The following SORCS1 variants were observed in gnomAD, a reference collection of about 807,000 sequenced individuals.
The protein encoded by SORCS1 is sortilin related VPS10 domain containing receptor 1, also known as VPS10 domain-containing receptor SorCS1.
SORCS1 carries 60 observed loss-of-function variants against 146.1 expected under a neutral mutation model. The observed-to-expected ratio is 0.41, with a 90% CI of 0.33 to 0.51. SORCS1 has a LOEUF of 0.51. Ranked by LOEUF, SORCS1 falls within the 20% of genes least tolerant of loss-of-function variation. The pLI, the probability that SORCS1 is intolerant of heterozygous loss-of-function variation, is 0.21. For synonymous variants in SORCS1, 637 were observed against 584.0 expected (o/e 1.09, Z -1.31); for missense variants, 1,352 against 1,487.6 (o/e 0.91, Z 1.50).
intron 3 of SORCS1, among the ~76,000 whole-genome samples, chr10:106,829,351 G>T (rs1948438136): frequency 6.6e-6 from 1 of 152,124 alleles, no homozygotes; most frequent in Non-Finnish European, 1.5e-5. Flanking sequence ...CTGCCTTTTG[G>T]AAATGGTAAT....
chr10:106,617,446 CAT>C (rs1394816365), intron 21 of SORCS1, among the ~76,000 whole-genome samples: 1 of 152,138 alleles, frequency 6.6e-6, no homozygotes, highest in African/African-American at 2.4e-5. Context: ...AGTGCATATC[CAT>C]ATGACTATCT....
intron 1 of SORCS1, among the ~76,000 whole-genome samples, chr10:107,159,033 G>A (rs758785970): frequency 6.6e-6 from 1 of 151,998 alleles, no homozygotes; most frequent in Non-Finnish European, 1.5e-5. Flanking sequence ...GGGGTCCAAA[G>A]TTAGCAAGTT....
intron 1 of SORCS1, among the ~76,000 whole-genome samples, chr10:106,979,323 G>C (rs1195011473): frequency 6.6e-6 from 1 of 152,134 alleles, no homozygotes; most frequent in Non-Finnish European, 1.5e-5. Context: ...AGATATGCAT[G>C]TGGAACCCAG....
chr10:106,946,079 C>T (rs1033907276), intron 2 of SORCS1, among the ~76,000 whole-genome samples: 3 of 152,150 alleles, frequency 2.0e-5, no homozygotes, highest in Non-Finnish European at 4.4e-5. Flanking sequence ...TGGAATTTCT[C>T]GAGGTCACGT....
At chr10:106,969,042 A>G (rs1270587958) in intron 1 of SORCS1, among the ~76,000 whole-genome samples, 1 of 152,256 alleles carries the variant, frequency 6.6e-6, no homozygotes, top group Admixed American at 6.5e-5. Flanking sequence ...CTTAAAAAAA[A>G]TCTGGCTTGA....
intron 17 of SORCS1, among the ~76,000 whole-genome samples, chr10:106,658,647 T>C (rs1850487070): frequency 1.3e-5 from 2 of 152,226 alleles, no homozygotes; most frequent in African/African-American, 4.8e-5. Context: ...AGTATGTGGC[T>C]AAGACTTAAA....
rs573011043 is a variant in SORCS1 at position 106,624,392 on chromosome 10, G to A, written c.2663-3831C>T. On this transcript the variant is annotated intron_variant, in intron 19 of 25. Transcript: ENST00000263054. ...TTTTTTTTTTTTGAGACGGAGTTTC[G>A]CTCTGTCACCCAGACTGGAGTGCAG... 1.2e-3 allele frequency among the ~76,000 whole-genome samples: 129 copies of A among 107,716 alleles called. 1 individual carries two copies. The highest frequency in any genetic ancestry group is 1.8e-3 in the Non-Finnish European group (105 of 59,182). 70.7% of individuals were successfully genotyped at this position (107,716 alleles called of 152,430 possible).
chr10:106,956,012 C>A (rs1023240541), intron 2 of SORCS1, among the ~76,000 whole-genome samples: 1 of 152,026 alleles, frequency 6.6e-6, no homozygotes, highest in Non-Finnish European at 1.5e-5. Flanking sequence ...TGCCTGTAAT[C>A]CCAGCTACTC....
intron 24 of SORCS1, among the ~76,000 whole-genome samples, chr10:106,594,489 T>G (rs1845793429): frequency 6.6e-6 from 1 of 152,140 alleles, no homozygotes; most frequent in Non-Finnish European, 1.5e-5. Context: ...TGAACCATCA[T>G]TAGAGCATAA....
Position 107,164,149 on chromosome 10 carries a change from C to T in SORCS1, c.378G>A (p.Arg126=), listed in dbSNP as rs757039667. ...EKAERGEGAS[R]SPRGVLRDGG... ...CATCTCTTAGCACTCCCCGGGGGCT[C>T]CGACTCGCGCCCTCTCCCCGTTCTG... The change falls in exon 1 of 26, where the codon CGG becomes CGA. Residue 126 remains arginine (R), a synonymous_variant. Coordinates refer to ENST00000263054, the MANE Select transcript of SORCS1 (RefSeq NM_052918.5). This position sits in a 1 kb window ranked among gnomAD's most constrained non-coding sequence, Gnocchi z 6.8. 3 of 1,613,018 alleles carry T rather than the reference C, an allele frequency of 1.9e-6. No individual in the cohort carries two copies. Among genetic ancestry groups the T allele is most frequent in the South Asian group, 2.2e-5 (2 of 91,068 alleles).
chr10:106,695,000 C>T (rs1853586522), intron 9 of SORCS1, among the ~76,000 whole-genome samples: 1 of 152,174 alleles, frequency 6.6e-6, no homozygotes, highest in Admixed American at 6.6e-5. Context: ...CTACACAAAA[C>T]CATCAGGCAT....
intron 5 of SORCS1, among the ~76,000 whole-genome samples, chr10:106,745,498 A>G (rs912338321): frequency 2.6e-5 from 4 of 152,212 alleles, no homozygotes; most frequent in Non-Finnish European, 5.9e-5. Context: ...TCATTAGCAC[A>G]CTACAGTAAT....
intron 13 of SORCS1, among the ~76,000 whole-genome samples, chr10:106,675,409 T>C (rs1217325251): frequency 1.3e-5 from 2 of 152,108 alleles, no homozygotes; most frequent in East Asian, 3.8e-4. Flanking sequence ...TAACTATAAG[T>C]CTTTTATAAA....
intron 21 of SORCS1, among the ~76,000 whole-genome samples, chr10:106,613,967 C>T (rs1389825233): frequency 6.6e-6 from 1 of 152,112 alleles, no homozygotes; most frequent in Non-Finnish European, 1.5e-5. Context: ...CACCCAACCT[C>T]AGGTAGCCTC....
chr10:107,073,892 A>G (rs761766829), intron 1 of SORCS1, among the ~76,000 whole-genome samples: 63 of 152,152 alleles, frequency 4.1e-4, no homozygotes, highest in Admixed American at 2.0e-3. Context: ...TTAACATAGA[A>G]TTTATTTTTT....
intron 4 of SORCS1, among the ~76,000 whole-genome samples, chr10:106,774,910 C>G (rs1276765772): frequency 6.6e-6 from 1 of 152,124 alleles, no homozygotes; most frequent in Admixed American, 6.6e-5. Context: ...GGAAGGGTAC[C>G]TACAATTATA....
At chr10:107,106,362 C>G (rs1965304484) in intron 1 of SORCS1, among the ~76,000 whole-genome samples, 1 of 152,172 alleles carries the variant, frequency 6.6e-6, no homozygotes, top group African/African-American at 2.4e-5. Context: ...TAGCATATCA[C>G]AAGCTCAGTA....
chr10:107,120,588 T>A (rs1025838061), intron 1 of SORCS1, among the ~76,000 whole-genome samples: 4 of 152,156 alleles, frequency 2.6e-5, no homozygotes, highest in African/African-American at 9.7e-5. Context: ...ACCAGGAAAT[T>A]CACAGAAGTA....
At chr10:106,802,064 A>T (rs1214455449) in intron 3 of SORCS1, among the ~76,000 whole-genome samples, 2 of 152,178 alleles carry the variant, frequency 1.3e-5, no homozygotes, top group Non-Finnish European at 2.9e-5. Flanking sequence ...AGGGATATAC[A>T]TGTCTAAGCC....
Sources: gnomAD v4.1 joint callset for allele counts (sites outside exome capture counted in the v4.1 genomes callset) on GRCh38, gnomAD v4.1.1 for gene constraint, Gnocchi (gnomAD v3.1) non-coding constraint, MANE v1.5 for transcripts, NCBI Gene and HGNC (gene_info 2026-07-23, HGNC 2026-07-21) for gene names.